The following GPR158 variants were observed in gnomAD, a reference collection of about 807,000 sequenced individuals.
GPR158 encodes G protein-coupled receptor 158, also known as metabotropic glycine receptor.
GPR158 carries 30 observed loss-of-function variants against 78.2 expected under a neutral mutation model. The ratio of observed to expected loss-of-function variants is 0.38; its 90% CI spans 0.29 to 0.52. The LOEUF (loss-of-function observed/expected upper bound fraction) is 0.52. Among genes scored for constraint, GPR158 ranks in the 20% least tolerant of loss-of-function variants. The probability of loss-of-function intolerance (pLI) is 0.83; values close to 1 mark genes in which losing one functional copy is unlikely to be tolerated. For missense variants in GPR158, 1,463 were observed against 1,523.5 expected (o/e 0.96, Z 0.66); for synonymous variants, 581 against 591.1 (o/e 0.98, Z 0.25).
At chr10:25,271,891 C>T (rs947665399) in intron 2 of GPR158, among the ~76,000 whole-genome samples, 2 of 152,072 alleles carry the variant, frequency 1.3e-5, no homozygotes, top group African/African-American at 2.4e-5. Context: ...CTGCCCACCT[C>T]GGCTTCCAAA....
rs182587335 is a variant in GPR158 at position 25,463,952 on chromosome 10, A to C, written c.1336-2699A>C. On this transcript the variant is annotated intron_variant, in intron 4 of 10. Coordinates refer to ENST00000376351, the MANE Select transcript of GPR158 (RefSeq NM_020752.3). Reference sequence around the variant, plus strand: ...AGCATGGATCTCTTCTCTGTCCTAAAATCTCACCTATTAGGTTCCTTCTCA... The same window carrying C: ...AGCATGGATCTCTTCTCTGTCCTAACATCTCACCTATTAGGTTCCTTCTCA... Among the ~76,000 whole-genome samples the C allele has an allele frequency of 9.8e-5, 15 of 152,294 alleles. 1 individual carries two copies. In the East Asian group the frequency reaches 2.9e-3, roughly 29 times the overall value.
intron 5 of GPR158, among the ~76,000 whole-genome samples, chr10:25,543,656 A>G (rs1436896511): frequency 6.6e-6 from 1 of 152,084 alleles, no homozygotes; most frequent in Non-Finnish European, 1.5e-5. Flanking sequence ...CCCTTTGTCT[A>G]TCATTCCATA....
chr10:25,426,879 A>G (rs990638680), intron 4 of GPR158, among the ~76,000 whole-genome samples: 1 of 152,134 alleles, frequency 6.6e-6, no homozygotes, highest in Non-Finnish European at 1.5e-5. Context: ...GTGGAGTGCA[A>G]TAAAGTGAAG....
chr10:25,224,548 C>G (rs1361683269), intron 2 of GPR158, among the ~76,000 whole-genome samples: 2 of 151,500 alleles, frequency 1.3e-5, no homozygotes, highest in East Asian at 1.9e-4. Flanking sequence ...ATTCATAATT[C>G]TATAAAATTT....
intron 2 of GPR158, among the ~76,000 whole-genome samples, chr10:25,315,666 G>T (rs1050189488): frequency 6.6e-6 from 1 of 151,864 alleles, no homozygotes; most frequent in Non-Finnish European, 1.5e-5. Context: ...ATTTGCTGGG[G>T]TTTTTTCACT....
chr10:25,282,664 C>T (rs1404279676), intron 2 of GPR158, among the ~76,000 whole-genome samples: 1 of 151,924 alleles, frequency 6.6e-6, no homozygotes. Flanking sequence ...AATGTTAGTC[C>T]GTCTCATAGA....
intron 2 of GPR158, among the ~76,000 whole-genome samples, chr10:25,241,178 TTTCTTTCTTTCCTTTC>T: frequency 1.0e-5 from 1 of 99,628 alleles, no homozygotes; most frequent in African/African-American, 5.2e-5. Context: ...TCTTTCTTTC[TTTCTTTCTTTCCTTTC>T]TTTCTTTCCT....
intron 2 of GPR158, among the ~76,000 whole-genome samples, chr10:25,278,571 T>A (rs138783581): frequency 7.2e-5 from 11 of 152,108 alleles, no homozygotes; most frequent in Non-Finnish European, 1.5e-4. Context: ...AAGTGCTGAG[T>A]GTATTTCACT....
chr10:25,436,201 G>A (rs1226897098), intron 4 of GPR158, among the ~76,000 whole-genome samples: 1 of 152,178 alleles, frequency 6.6e-6, no homozygotes, highest in Non-Finnish European at 1.5e-5. Flanking sequence ...GGTGTTACAT[G>A]AGACATGTGT....
At chr10:25,528,215 T>G (rs1428636973) in intron 5 of GPR158, among the ~76,000 whole-genome samples, 1 of 151,904 alleles carries the variant, frequency 6.6e-6, no homozygotes, top group Non-Finnish European at 1.5e-5. Context: ...ATACTGACCC[T>G]AAAACCTGAC....
intron 2 of GPR158, among the ~76,000 whole-genome samples, chr10:25,271,620 CT>C (rs1355472038): frequency 6.6e-6 from 1 of 152,130 alleles, no homozygotes; most frequent in African/African-American, 2.4e-5. Context: ...ATACCAAGGA[CT>C]TTTGAATGCT....
At position 25,178,745 on chromosome 10, in the gene GPR158, G is replaced by A. The variant is rs376055262; in HGVS notation, c.902+2423G>A. ...TCCTGTGCCCTTCAAATGCTGTATTGAGGGTCCACACAGTAGAAACCAGAA... is the reference window on the plus strand; with the variant it reads ...TCCTGTGCCCTTCAAATGCTGTATTAAGGGTCCACACAGTAGAAACCAGAA... On this transcript the variant is annotated intron_variant, in intron 1 of 10. Transcript: ENST00000376351. Among the ~76,000 whole-genome samples, 4 of 152,136 alleles carry A rather than the reference G, an allele frequency of 2.6e-5. No individual in the cohort carries two copies. The East Asian group carries it at 5.8e-4, about 22-fold the overall frequency.
At chr10:25,525,700 T>G (rs1297037880) in intron 5 of GPR158, among the ~76,000 whole-genome samples, 1 of 152,206 alleles carries the variant, frequency 6.6e-6, no homozygotes. Context: ...ATGGGGTTCA[T>G]TTTTGAGGTG....
Position 25,395,988 on chromosome 10 carries a change from A to G in GPR158, c.1086A>G (p.Gly362=). ...GCAAAGCAGGATTCTATCATCCTGGAGTCTTACCAGTGAACAACTTTCGGA... is the reference window on the plus strand; with the variant it reads ...GCAAAGCAGGATTCTATCATCCTGGGGTCTTACCAGTGAACAACTTTCGGA... ...CICKAGFYHP[G]VLPVNNFRRR... The change falls in exon 3 of 11, where the codon GGA becomes GGG. Residue 362 remains glycine, a synonymous_variant. Coordinates refer to ENST00000376351, the MANE Select transcript of GPR158 (RefSeq NM_020752.3). 6 of 1,596,148 alleles carry G rather than the reference A, an allele frequency of 3.8e-6. No homozygotes were observed. The highest frequency in any genetic ancestry group is 5.2e-6 in the Non-Finnish European group (6 of 1,163,768).
chr10:25,214,243 T>C (rs1162468466), intron 1 of GPR158, among the ~76,000 whole-genome samples: 2 of 151,644 alleles, frequency 1.3e-5, no homozygotes, highest in Non-Finnish European at 2.9e-5. Context: ...ATCCACCTGC[T>C]TCGGCCTCCC....
At chr10:25,596,405 G>T (rs1219471234) in intron 9 of GPR158, among the ~76,000 whole-genome samples, 1 of 152,060 alleles carries the variant, frequency 6.6e-6, no homozygotes, top group Non-Finnish European at 1.5e-5. Context: ...GCTGCTGCGT[G>T]CTATGACCAT....
intron 2 of GPR158, among the ~76,000 whole-genome samples, chr10:25,380,705 GTAA>G (rs1318443704): frequency 1.3e-5 from 2 of 152,056 alleles, no homozygotes; most frequent in African/African-American, 2.4e-5. Context: ...GGAATTAGGA[GTAA>G]TAATTAAAAA....
At chr10:25,419,046 A>T (rs1834708359) in intron 4 of GPR158, among the ~76,000 whole-genome samples, 1 of 152,042 alleles carries the variant, frequency 6.6e-6, no homozygotes, top group South Asian at 2.1e-4. Context: ...TTTTGGTAAA[A>T]TAAAGTTAGG....
intron 2 of GPR158, among the ~76,000 whole-genome samples, chr10:25,296,086 A>T (rs1277943648): frequency 6.6e-6 from 1 of 150,656 alleles, no homozygotes; most frequent in African/African-American, 2.4e-5. Context: ...CAAGGATGTC[A>T]GCTGAGCTGG....
Sources: gnomAD v4.1 joint callset for allele counts (sites outside exome capture counted in the v4.1 genomes callset) on GRCh38, gnomAD v4.1.1 for gene constraint, MANE v1.5 for transcripts, NCBI Gene and HGNC (gene_info 2026-07-23, HGNC 2026-07-21) for gene names.